Variants in FAM89A observed in about 807,000 individuals in gnomAD.
The protein encoded by FAM89A is family with sequence similarity 89 member A.
A neutral mutation model predicts 7.1 loss-of-function variants in FAM89A; 10 were observed. The observed-to-expected ratio is 1.40, with a 90% confidence interval of 0.86 to 2.38. The LOEUF (loss-of-function observed/expected upper bound fraction) is 2.38. Ranked by LOEUF, FAM89A falls within the 30% of genes most tolerant of loss-of-function variation. The probability of loss-of-function intolerance (pLI) is 0.00; values close to 1 mark genes in which losing one functional copy is unlikely to be tolerated. For missense variants in FAM89A, 276 were observed against 262.8 expected, an observed-to-expected ratio of 1.05 and a Z score of -0.35; for synonymous variants, 157 against 129.3, an observed-to-expected ratio of 1.21 and a Z score of -1.45.
intron 1 of FAM89A, among the ~76,000 whole-genome samples, chr1:231,030,872 GGA>G (rs1382267677): frequency 2.0e-5 from 3 of 152,156 alleles, no homozygotes; most frequent in Non-Finnish European, 4.4e-5. Context: ...CACTGTGGGA[GGA>G]CAAGACAGGT....
At chr1:231,030,807 T>C (rs1680053807) in intron 1 of FAM89A, among the ~76,000 whole-genome samples, 1 of 152,114 alleles carries the variant, frequency 6.6e-6, no homozygotes, top group South Asian at 2.1e-4. Flanking sequence ...AAATTAAAAC[T>C]GAGAAAATTT....
chr1:231,023,770 T>C (rs1212802749), intron 1 of FAM89A, among the ~76,000 whole-genome samples: 1 of 152,210 alleles, frequency 6.6e-6, no homozygotes, highest in Non-Finnish European at 1.5e-5. Flanking sequence ...GCTCCCATCA[T>C]TGTGATGTGT....
In FAM89A at chr1:231,039,930, G is replaced by A. The variant is rs955702116; in HGVS notation, c.282C>T (p.Arg94=). The A allele has an allele frequency of 2.2e-6, 3 of 1,338,906 alleles. No homozygotes were observed. Among genetic ancestry groups the A allele is most frequent in the Non-Finnish European group, 2.9e-6 (3 of 1,051,954 alleles). The allele number at this position is 1,338,906 out of a possible 1,614,324, so 82.9% of individuals were successfully genotyped here. The change falls in exon 1 of 2, where the codon CGC becomes CGT. Residue 94 remains arginine (R), a synonymous_variant. Transcript: ENST00000366654. Reference sequence around the variant, plus strand: ...GCGGAGCCCCACTCACCATCTCTTTGCGGAGCAGCGCCAGAGCGGCGTCCA... The same window carrying A: ...GCGGAGCCCCACTCACCATCTCTTTACGGAGCAGCGCCAGAGCGGCGTCCA... The part of the protein sequence containing the change: ...PNLDAALALL[R]KEMVGLRQLD...
intron 1 of FAM89A, among the ~76,000 whole-genome samples, chr1:231,030,503 A>C (rs996525281): frequency 2.0e-5 from 3 of 152,246 alleles, no homozygotes; most frequent in Non-Finnish European, 4.4e-5. Flanking sequence ...CATACAAACT[A>C]AGCCCATTTC....
intron 1 of FAM89A, among the ~76,000 whole-genome samples, chr1:231,035,431 G>A (rs1185937035): frequency 6.6e-6 from 1 of 152,200 alleles, no homozygotes; most frequent in East Asian, 1.9e-4. Flanking sequence ...CCTTGCTGCT[G>A]ACTGTGGGAG....
chr1:231,022,008 C>A, intron 1 of FAM89A: 1 of 1,334,960 alleles, frequency 7.5e-7, no homozygotes, highest in Non-Finnish European at 1.1e-6. Context: ...GTCGGTTGTC[C>A]TATCTGCATG....
At chr1:231,031,122 A>G (rs1680061769) in intron 1 of FAM89A, among the ~76,000 whole-genome samples, 1 of 151,930 alleles carries the variant, frequency 6.6e-6, no homozygotes. Flanking sequence ...TAATAATAAT[A>G]ATAATAATAA....
At chr1:231,024,532 AC>A (rs1216295021) in intron 1 of FAM89A, among the ~76,000 whole-genome samples, 8 of 151,760 alleles carry the variant, frequency 5.3e-5, no homozygotes, top group Admixed American at 2.0e-4. Flanking sequence ...ACACACACAC[AC>A]ACACACACAC....
chr1:231,021,474 T>C (rs1310092736), intron 1 of FAM89A: 12 of 613,718 alleles, frequency 2.0e-5, no homozygotes, highest in Non-Finnish European at 2.9e-5. Flanking sequence ...ACTGGAAATC[T>C]GTCCCGATCC....
At chr1:231,025,868 A>T (rs541451700) in intron 1 of FAM89A, 1 of 152,544 alleles carries the variant, frequency 6.6e-6, no homozygotes, top group Non-Finnish European at 1.5e-5. Flanking sequence ...GCAAAGAACC[A>T]GTGATCTTGA....
chr1:231,028,032 A>T (rs1036365562), intron 1 of FAM89A, among the ~76,000 whole-genome samples: 2 of 152,256 alleles, frequency 1.3e-5, no homozygotes, highest in African/African-American at 4.8e-5. Flanking sequence ...AACTCAGAGC[A>T]GACAGGCAGA....
chr1:231,033,050 C>T (rs935717935), intron 1 of FAM89A, among the ~76,000 whole-genome samples: 1 of 152,222 alleles, frequency 6.6e-6, no homozygotes, highest in African/African-American at 2.4e-5. Context: ...CTAAAGTAGG[C>T]TAAAGGTTTT....
chr1:231,034,865 A>G (rs2103076580), intron 1 of FAM89A, among the ~76,000 whole-genome samples: 1 of 151,934 alleles, frequency 6.6e-6, no homozygotes, highest in South Asian at 2.1e-4. Flanking sequence ...CATTTGGGCA[A>G]GCAGCCTAGG....
At chr1:231,035,759 T>C (rs1680148695) in intron 1 of FAM89A, among the ~76,000 whole-genome samples, 1 of 152,218 alleles carries the variant, frequency 6.6e-6, no homozygotes, top group Non-Finnish European at 1.5e-5. Context: ...TGTGGGACCC[T>C]TGAGGGCAAA....
At chr1:231,025,269 G>A (rs1166604443) in intron 1 of FAM89A, among the ~76,000 whole-genome samples, 1 of 152,110 alleles carries the variant, frequency 6.6e-6, no homozygotes, top group East Asian at 1.9e-4. Flanking sequence ...CTTAGGAAGA[G>A]ACCTCAGCTG....
chr1:231,024,147 T>C (rs1679923393), intron 1 of FAM89A, among the ~76,000 whole-genome samples: 1 of 152,010 alleles, frequency 6.6e-6, no homozygotes, highest in Non-Finnish European at 1.5e-5. Context: ...GATATCAGTC[T>C]GCTTTGGACT....
Position 231,019,772 on chromosome 1 carries a change from C to G in FAM89A, c.*91G>C. 2 of 1,448,420 alleles carry G rather than the reference C, an allele frequency of 1.4e-6. No individual in the cohort carries two copies. Among genetic ancestry groups the G allele is most frequent in the Non-Finnish European group, 1.9e-6 (2 of 1,063,064 alleles). 89.7% of individuals were successfully genotyped at this position (1,448,420 alleles called of 1,614,324 possible). A position where few individuals can be genotyped will look rare whatever the true frequency, so the allele number is the denominator to read the frequency against. On this transcript the variant is annotated 3_prime_UTR_variant, in exon 2 of 2. Coordinates refer to ENST00000366654, the MANE Select transcript of FAM89A (RefSeq NM_198552.3). ...CCCTGTGCCCGAGGACCGTCCACAA[C>G]GGAGGTGCTTTCTTGCAAGAGAAGC...
At chr1:231,022,474 A>C (rs11122193) in intron 1 of FAM89A, among the ~76,000 whole-genome samples, 20,807 of 152,110 alleles carry the variant, frequency 0.14, 1,547 homozygotes, top group Middle Eastern at 0.23. Flanking sequence ...GAACCTGCAC[A>C]TTTGCCAAGA....
intron 1 of FAM89A, among the ~76,000 whole-genome samples, chr1:231,035,466 G>T (rs988203204): frequency 6.6e-6 from 1 of 152,184 alleles, no homozygotes; most frequent in African/African-American, 2.4e-5. Flanking sequence ...AATCCCCAGG[G>T]ATGCTGCTCC....
Sources: allele counts gnomAD v4.1 joint callset (sites outside exome capture counted in the v4.1 genomes callset), GRCh38; gene constraint gnomAD v4.1.1; transcripts MANE v1.5; gene names NCBI Gene and HGNC (gene_info 2026-07-23, HGNC 2026-07-21).